RADIL: variants seen among roughly 807,000 people sequenced by gnomAD.
RADIL encodes Rap associating with DIL domain, also known as ras-associating and dilute domain-containing protein.
In RADIL, 99 loss-of-function variants were observed where a neutral mutation model predicts 97.6. The ratio of observed to expected loss-of-function variants is 1.01; its 90% CI spans 0.86 to 1.20. The LOEUF is 1.20. Among genes scored for constraint, RADIL ranks in the 50% most tolerant of loss-of-function variants. RADIL has a pLI of 0.00. For missense variants in RADIL, 1,765 were observed against 1,498.9 expected, an observed-to-expected ratio of 1.18 and a Z score of -2.93; for synonymous variants, 803 against 691.8, an observed-to-expected ratio of 1.16 and a Z score of -2.52.
chr7:4,853,082 G>A (rs641593), intron 2 of RADIL, among the ~76,000 whole-genome samples: 3,145 of 152,202 alleles, frequency 0.021, 131 homozygotes, highest in African/African-American at 0.072. Flanking sequence ...GAGACTGGGG[G>A]ACCTTGAGAT....
chr7:4,814,624 T>C lies in RADIL; in HGVS notation c.2139+654A>G, dbSNP rs1335188098. On this transcript the variant is annotated intron_variant, in intron 9 of 14. Transcript: ENST00000399583. The surrounding 1 kb of genome is among the most constrained non-coding windows in gnomAD (Gnocchi z 4.5). ...GGGGCATGTCGGTTTCCCATTGCCG[T>C]TGTGACAAATGCCCACACGCCTGGC... Among the ~76,000 whole-genome samples the C allele has an allele frequency of 2.0e-5, 3 of 152,184 alleles. No individual in the cohort carries two copies. In the East Asian group the frequency reaches 5.8e-4, roughly 29 times the overall value.
chr7:4,873,338 C>G lies in RADIL; in HGVS notation c.535+4267G>C. Among the ~76,000 whole-genome samples, 1 of 152,210 alleles carries G rather than the reference C, an allele frequency of 6.6e-6. No homozygotes were observed. Among genetic ancestry groups the G allele is most frequent in the East Asian group, 1.9e-4 (1 of 5,192 alleles). On this transcript the variant is annotated intron_variant, in intron 2 of 14. Transcript: ENST00000399583. The surrounding 1 kb of genome is among the most constrained non-coding windows in gnomAD (Gnocchi z 4.3). The stretch of plus-strand genomic sequence containing the variant: ...GTTAACACAAACGTACATGGTCACA[C>G]ATGCATGCACACACATGCACACCAC...
At position 4,883,195 on chromosome 7, in the gene RADIL, C is replaced by A. The variant is rs960630039; in HGVS notation, c.-65+401G>T. Among the ~76,000 whole-genome samples, 35 of 152,216 alleles carry A rather than the reference C, an allele frequency of 2.3e-4. No individual in the cohort carries two copies. Among genetic ancestry groups the A allele is most frequent in the African/African-American group, 8.2e-4 (34 of 41,550 alleles). On this transcript the variant is annotated intron_variant, in intron 1 of 14. Transcript: ENST00000399583. The surrounding 1 kb of genome is among the most constrained non-coding windows in gnomAD (Gnocchi z 7.1). ...CGCTCCCCCGCTGCGCCCCGCTCCC[C>A]CGCTGCGCGCCCCGGACGAAGCTCC...
intron 2 of RADIL, chr7:4,860,828 T>C (rs1783970899): frequency 1.2e-6 from 2 of 1,614,048 alleles, no homozygotes; most frequent in African/African-American, 2.7e-5. Context: ...AGACACGTTG[T>C]ATGTGGAGTT....
chr7:4,865,564 T>C (rs1784112316), intron 2 of RADIL: 1 of 793,216 alleles, frequency 1.3e-6, no homozygotes, highest in Non-Finnish European at 2.3e-6. Context: ...TCAAATACCT[T>C]TTTGAGAAAG....
chr7:4,816,104 C>A, intron 8 of RADIL, 124 bp downstream of exon 8: 1 of 850,952 alleles, frequency 1.2e-6, no homozygotes, highest in Non-Finnish European at 1.9e-6. Context: ...GGACACCAGA[C>A]GCTCAGGGAG....
Position 4,810,212 on chromosome 7 carries a change from G to A in RADIL, c.2140-4496C>T, listed in dbSNP as rs113289024. ...AGGGTCTTACTCTGTCACCCAGGCT[G>A]GAGTGCAGTGGCACGATCACAGCTC... On this transcript the variant is annotated intron_variant, in intron 9 of 14. Transcript: ENST00000399583. Among the ~76,000 whole-genome samples, 21 of 152,202 alleles carry A rather than the reference G, an allele frequency of 1.4e-4. 1 individual carries two copies. Among genetic ancestry groups the A allele is most frequent in the African/African-American group, 4.3e-4 (18 of 41,524 alleles).
At position 4,833,505 on chromosome 7, in the gene RADIL, G is replaced by A. The variant is rs187877250; in HGVS notation, c.1416+1102C>T. On this transcript the variant is annotated intron_variant, in intron 4 of 14. Coordinates refer to ENST00000399583, the MANE Select transcript of RADIL (RefSeq NM_018059.5). ...CCGGGAACCCGAGGGGAAGAGGCAC[G>A]GACACCCAGATTACAACACCCACGG... Among the ~76,000 whole-genome samples the A allele has an allele frequency of 3.5e-3, 528 of 152,266 alleles. 4 individuals are homozygous for A. Among genetic ancestry groups the A allele is most frequent in the African/African-American group, 0.012 (510 of 41,542 alleles).
intron 2 of RADIL, chr7:4,865,461 T>C (rs995737625): frequency 1.3e-6 from 1 of 760,774 alleles, no homozygotes; most frequent in South Asian, 1.4e-5. Flanking sequence ...TTCTTTGTCC[T>C]GGTTAATCTG....
In RADIL at chr7:4,814,561, G is replaced by T. The variant is rs1363433736; in HGVS notation, c.2139+717C>A. On this transcript the variant is annotated intron_variant, in intron 9 of 14. Transcript: ENST00000399583. The surrounding 1 kb of genome is among the most constrained non-coding windows in gnomAD (Gnocchi z 4.5). ...AGGGGGGTGGTGAGTGGCTGACTGTGTTGGGAGGGGGGTGGTGAGCAGCGA... is the reference window on the plus strand; with the variant it reads ...AGGGGGGTGGTGAGTGGCTGACTGTTTTGGGAGGGGGGTGGTGAGCAGCGA... Among the ~76,000 whole-genome samples, 1 of 151,954 alleles carries T rather than the reference G, an allele frequency of 6.6e-6. No individual in the cohort carries two copies. The highest frequency in any genetic ancestry group is 1.5e-5 in the Non-Finnish European group (1 of 67,972).
At chr7:4,857,747 A>G (rs894838458) in intron 2 of RADIL, 1 of 152,576 alleles carries the variant, frequency 6.6e-6, no homozygotes, top group Non-Finnish European at 1.5e-5. Flanking sequence ...CTTGTTTGCC[A>G]TTTATTTTTA....
In RADIL at chr7:4,836,676, C is replaced by G. The variant is rs1271564972; in HGVS notation, c.536-71G>C. 14 of 1,578,778 alleles carry G rather than the reference C, an allele frequency of 8.9e-6. No individual in the cohort carries two copies. In the East Asian group the frequency reaches 2.5e-4, roughly 28 times the overall value. ...ACCAGGACTGGGCGCGGTGGCTCACCCCTGTAATCCCAGCACTTTGGGAGG... is the reference window on the plus strand; with the variant it reads ...ACCAGGACTGGGCGCGGTGGCTCACGCCTGTAATCCCAGCACTTTGGGAGG... On this transcript the variant is annotated intron_variant, in intron 2 of 14. Coordinates refer to ENST00000399583, the MANE Select transcript of RADIL (RefSeq NM_018059.5).
At chr7:4,809,814 C>G (rs1782487327) in intron 9 of RADIL, among the ~76,000 whole-genome samples, 1 of 151,962 alleles carries the variant, frequency 6.6e-6, no homozygotes. Context: ...TCCCGAGTAG[C>G]TGGCTAATTT....
chr7:4,862,049 C>A (rs1049135397), intron 2 of RADIL: 5 of 389,932 alleles, frequency 1.3e-5, no homozygotes, highest in Admixed American at 4.4e-5. Flanking sequence ...CGCGCGGGCG[C>A]CTGCGCACCC....
At chr7:4,803,482 C>T in intron 11 of RADIL, 64 bp downstream of exon 11, 1 of 1,388,534 alleles carries the variant, frequency 7.2e-7, no homozygotes, top group Admixed American at 2.4e-5. Flanking sequence ...TCGGGGCACG[C>T]TGGCTGGGTC....
intron 2 of RADIL, among the ~76,000 whole-genome samples, chr7:4,848,420 G>T (rs1041155568): frequency 1.3e-5 from 2 of 151,880 alleles, no homozygotes; most frequent in African/African-American, 4.8e-5. Flanking sequence ...ACAGAGACAA[G>T]GAAGATAGCT....
intron 5 of RADIL, among the ~76,000 whole-genome samples, chr7:4,826,480 C>T (rs1782980369): frequency 6.6e-6 from 1 of 152,006 alleles, no homozygotes; most frequent in African/African-American, 2.4e-5. Flanking sequence ...CACCTGTAAT[C>T]CCAGCACTTT....
intron 1 of RADIL, among the ~76,000 whole-genome samples, chr7:4,881,101 TAAA>T (rs58900044): frequency 0.46 from 24,890 of 53,842 alleles, 6,343 homozygotes; most frequent in East Asian, 0.64. Flanking sequence ...CCCTCTCTGT[TAAA>T]AAAAAAAAAA....
intron 9 of RADIL, among the ~76,000 whole-genome samples, chr7:4,806,205 A>T (rs1265882589): frequency 6.6e-6 from 1 of 152,236 alleles, no homozygotes; most frequent in Non-Finnish European, 1.5e-5. Flanking sequence ...GTTGGGGTGC[A>T]GTGGCTCAAT....
Sources: allele counts gnomAD v4.1 joint callset (sites outside exome capture counted in the v4.1 genomes callset), GRCh38; gene constraint gnomAD v4.1.1; non-coding constraint Gnocchi (gnomAD v3.1); transcripts MANE v1.5; gene names NCBI Gene and HGNC (gene_info 2026-07-23, HGNC 2026-07-21).